Variants in CDH23 observed in about 807,000 individuals in gnomAD.
CDH23 encodes the protein cadherin-23.
Under a neutral mutation model 317.1 loss-of-function variants are expected in CDH23, and 189 were observed. That is an observed-to-expected ratio of 0.60 (90% CI 0.53 to 0.67). CDH23 has a LOEUF of 0.67. Ranked by LOEUF, CDH23 falls within the 30% of genes least tolerant of loss-of-function variation. The pLI is 0.00. For missense variants in CDH23, 4,401 were observed against 4,592.4 expected (o/e 0.96, Z 1.20); for synonymous variants, 1,839 against 1,876.8 (o/e 0.98, Z 0.52).
chr10:71,417,854 C>A (rs974846355), intron 1 of CDH23, among the ~76,000 whole-genome samples: 3 of 152,210 alleles, frequency 2.0e-5, no homozygotes, highest in Admixed American at 6.5e-5. Flanking sequence ...AAATGATCAG[C>A]CTGCCTTGGC....
Position 71,769,003 on chromosome 10 carries a change from A to G in CDH23, c.4846-8677A>G, listed in dbSNP as rs551999705. On this transcript the variant is annotated intron_variant, in intron 38 of 69. Coordinates refer to ENST00000224721, the MANE Select transcript of CDH23 (RefSeq NM_022124.6). ...TGACTACTCTCTAGAGAATAGAGGT[A>G]GCTGGGGACTGACTGGAGGCCCCAC... is the stretch of plus-strand genomic sequence containing the variant. Among the ~76,000 whole-genome samples, 6 of 152,350 alleles carry G rather than the reference A, an allele frequency of 3.9e-5. No homozygotes were observed. The South Asian group carries it at 8.3e-4, about 21-fold the overall frequency.
At position 71,793,256 on chromosome 10, in the gene CDH23, G is replaced by A. The variant is rs747001273; in HGVS notation, c.6328G>A (p.Ala2110Thr). Reference protein sequence around the residue: ...LNGELVYRIEAGAQDRFLIHL... With the variant: ...LNGELVYRIETGAQDRFLIHL... ...TGGGGAGCTGGTCTACCGAATAGAA[G>A]CTGGGGCTCAGGACCGCTTCCTCAT... is the stretch of plus-strand genomic sequence containing the variant. Residue 2110 changes from alanine to threonine, a missense_variant, in exon 48 of 70, where the codon GCT (alanine) becomes ACT (threonine). Coordinates refer to ENST00000224721, the MANE Select transcript of CDH23 (RefSeq NM_022124.6). 6.2e-7 allele frequency: 1 copy of A among 1,613,940 alleles called. No individual in the cohort carries two copies.
chr10:71,813,498 G>C (rs1332267165), intron 69 of CDH23, 150 bp downstream of exon 69: 6 of 704,766 alleles, frequency 8.5e-6, no homozygotes, highest in Non-Finnish European at 1.5e-5. Context: ...AAGTCAGACA[G>C]CAGGATCTGC....
chr10:71,586,542 C>T (rs1859075739), intron 9 of CDH23, among the ~76,000 whole-genome samples: 1 of 152,120 alleles, frequency 6.6e-6, no homozygotes, highest in Non-Finnish European at 1.5e-5. Flanking sequence ...ACCAGCTCAC[C>T]TAGAGCAAGA....
At chr10:71,556,573 G>A (rs1475784026) in intron 6 of CDH23, among the ~76,000 whole-genome samples, 3 of 149,968 alleles carry the variant, frequency 2.0e-5, no homozygotes, top group Non-Finnish European at 4.4e-5. Flanking sequence ...GTGACAGAGC[G>A]AGACTCGGTC....
Position 71,814,756 on chromosome 10 carries a change from T to A in CDH23, c.9739-196T>A, listed in dbSNP as rs907616770. ...CACACAGATTTTCACAAGAAGCCAA[T>A]CCTCCCAAGAACCCATCTGCAGCAA... is the stretch of plus-strand genomic sequence containing the variant. On this transcript the variant is annotated intron_variant, in intron 69 of 69. Transcript: ENST00000224721. Among the ~76,000 whole-genome samples the A allele has an allele frequency of 3.3e-5, 5 of 151,166 alleles. 1 individual carries two copies. The highest frequency in any genetic ancestry group is 7.4e-5 in the Non-Finnish European group (5 of 67,926).
Position 71,787,733 on chromosome 10 carries a change from C to T in CDH23, c.5821-1207C>T, listed in dbSNP as rs541026223. ...AAAGACACGACTTCACTCTTTCTTA[C>T]GGTTGAGTAGTATTCCATGGTCTAT... On this transcript the variant is annotated intron_variant, in intron 44 of 69. Transcript: ENST00000224721. Among the ~76,000 whole-genome samples, 12 of 152,280 alleles carry T rather than the reference C, an allele frequency of 7.9e-5. No homozygotes were observed. In the East Asian group the frequency reaches 1.5e-3, roughly 20 times the overall value.
chr10:71,604,888 C>T (rs865785576), intron 9 of CDH23, among the ~76,000 whole-genome samples: 10 of 152,358 alleles, frequency 6.6e-5, no homozygotes, highest in Middle Eastern at 3.4e-3. Context: ...CAAATTCCTT[C>T]CTTCATCCTA....
intron 1 of CDH23, among the ~76,000 whole-genome samples, chr10:71,430,574 C>T (rs542887032): frequency 6.1e-4 from 93 of 152,188 alleles, no homozygotes; most frequent in Middle Eastern, 6.8e-3. Context: ...TTTGGGAGGC[C>T]GAGGTGGGCG....
At chr10:71,715,993 C>T in intron 28 of CDH23, 5 of 1,497,010 alleles carry the variant, frequency 3.3e-6, no homozygotes, top group Admixed American at 2.4e-5. Flanking sequence ...CGGGGCCCGG[C>T]AGGGGCTGTC....
chr10:71,516,832 A>C (rs778452863), intron 6 of CDH23, among the ~76,000 whole-genome samples: 14 of 152,220 alleles, frequency 9.2e-5, no homozygotes, highest in Non-Finnish European at 1.9e-4. Flanking sequence ...AGTAGAAATA[A>C]TTATACCTGC....
intron 6 of CDH23, among the ~76,000 whole-genome samples, chr10:71,518,171 G>A (rs141139166): frequency 6.6e-6 from 1 of 152,156 alleles, no homozygotes; most frequent in African/African-American, 2.4e-5. Flanking sequence ...TGTAAGTTAG[G>A]GGGGAATTAT....
chr10:71,549,900 G>A (rs1856488068), intron 6 of CDH23, among the ~76,000 whole-genome samples: 1 of 152,162 alleles, frequency 6.6e-6, no homozygotes, highest in Non-Finnish European at 1.5e-5. Flanking sequence ...TCTTGACCTT[G>A]TGGGACTACA....
chr10:71,419,535 A>G (rs927492606), intron 1 of CDH23, among the ~76,000 whole-genome samples: 1 of 152,124 alleles, frequency 6.6e-6, no homozygotes, highest in African/African-American at 2.4e-5. Flanking sequence ...GTGGTTTTGA[A>G]TTCTCCTAAT....
In CDH23 at chr10:71,679,422, C is replaced by T; in HGVS notation, c.1788C>T (p.Ile596=). ...TDEDSPPNNQ[I]TYSIVSASAF... The stretch of plus-strand genomic sequence containing the variant: ...AAGACTCCCCTCCCAACAACCAGAT[C>T]ACCTACAGCATTGTCAGTGCATCTG... Residue 596 remains isoleucine, a synonymous_variant, in exon 17 of 70, where the codon ATC becomes ATT. Coordinates refer to ENST00000224721, the MANE Select transcript of CDH23 (RefSeq NM_022124.6). 6.2e-7 allele frequency: 1 copy of T among 1,611,196 alleles called. No individual in the cohort carries two copies. Among genetic ancestry groups the T allele is most frequent in the Non-Finnish European group, 8.5e-7 (1 of 1,178,102 alleles).
intron 14 of CDH23, among the ~76,000 whole-genome samples, chr10:71,660,666 A>AT (rs1313502757): frequency 2.0e-5 from 3 of 151,982 alleles, no homozygotes; most frequent in African/African-American, 7.3e-5. Context: ...GAAATTTAGC[A>AT]TTTTTAGCCA....
chr10:71,403,387 CTT>C (rs1491199823), intron 1 of CDH23, among the ~76,000 whole-genome samples: 20 of 112,974 alleles, frequency 1.8e-4, no homozygotes, highest in Non-Finnish European at 2.7e-4. Flanking sequence ...TTCTTTCTTT[CTT>C]TCTTTCTTTC....
chr10:71,722,111 G>C (rs569042615), intron 28 of CDH23, among the ~76,000 whole-genome samples: 2 of 152,254 alleles, frequency 1.3e-5, no homozygotes, highest in East Asian at 3.9e-4. Context: ...CCTACATTAG[G>C]GCTTCGGGTG....
At chr10:71,673,408 C>A (rs1256720827) in intron 14 of CDH23, among the ~76,000 whole-genome samples, 1 of 152,232 alleles carries the variant, frequency 6.6e-6, no homozygotes, top group African/African-American at 2.4e-5. Flanking sequence ...TCCAACAAGA[C>A]CATGCATTGA....
Sources: allele counts gnomAD v4.1 joint callset (sites outside exome capture counted in the v4.1 genomes callset), GRCh38; gene constraint gnomAD v4.1.1; transcripts MANE v1.5; gene names NCBI Gene and HGNC (gene_info 2026-07-23, HGNC 2026-07-21).